Variants in SPEF2 observed in about 807,000 individuals in gnomAD.
The protein encoded by SPEF2 is sperm flagella and cilia-associated protein 2.
SPEF2 carries 187 observed loss-of-function variants against 224.6 expected under a neutral mutation model. The ratio of observed to expected loss-of-function variants is 0.83; its 90% CI spans 0.74 to 0.94. SPEF2 has a LOEUF of 0.94. Ranked by LOEUF, SPEF2 falls within the 40% of genes least tolerant of loss-of-function variation. The pLI is 0.00. For missense variants in SPEF2, 2,170 were observed against 2,135.6 expected, an observed-to-expected ratio of 1.02 and a Z score of -0.32; for synonymous variants, 715 against 707.3, an observed-to-expected ratio of 1.01 and a Z score of -0.17.
At chr5:35,747,404 A>G (rs1331912020) in intron 23 of SPEF2, among the ~76,000 whole-genome samples, 1 of 152,228 alleles carries the variant, frequency 6.6e-6, no homozygotes, top group Non-Finnish European at 1.5e-5. Context: ...TGCAGAATGG[A>G]TAAGAACTCA....
In SPEF2 at chr5:35,800,048, C is replaced by A. The variant is rs767866431; in HGVS notation, c.4911C>A (p.Cys1637Ter). 1.2e-5 allele frequency: 19 copies of A among 1,614,114 alleles called. No homozygotes were observed. The highest frequency in any genetic ancestry group is 1.5e-5 in the Non-Finnish European group (18 of 1,180,030). Residue 1637 changes from cysteine (C) to a stop codon, truncating the protein, a stop_gained, in exon 34 of 37, where the codon TGC becomes TGA. Coordinates refer to ENST00000356031, the MANE Select transcript of SPEF2 (RefSeq NM_024867.4). LOFTEE classifies it high-confidence loss of function. Reference protein sequence around the residue: ...DYTQMLLYFACHPDTVEGVYR... With the variant: ...DYTQMLLYFA ...CACAGATGCTGCTTTACTTTGCTTGCCACCCAGACACCGTGGAAGGAGTCT... is the reference window on the plus strand; with the variant it reads ...CACAGATGCTGCTTTACTTTGCTTGACACCCAGACACCGTGGAAGGAGTCT...
chr5:35,802,914 T>C (rs988280522), intron 34 of SPEF2, among the ~76,000 whole-genome samples: 1 of 152,076 alleles, frequency 6.6e-6, no homozygotes, highest in Non-Finnish European at 1.5e-5. Context: ...GATCTCTCTG[T>C]GTTGAGGAGA....
chr5:35,664,773 A>G (rs115823722), intron 8 of SPEF2, among the ~76,000 whole-genome samples: 12,128 of 143,756 alleles, frequency 0.084, 734 homozygotes, highest in East Asian at 0.31. Context: ...GGAGAGAGAG[A>G]GAGAGAGAAA....
intron 33 of SPEF2, 28 bp from the exon 34 acceptor site, chr5:35,799,940 T>A (rs754248754): frequency 6.2e-7 from 1 of 1,612,446 alleles, no homozygotes; most frequent in South Asian, 1.1e-5. Context: ...TGCACCCATT[T>A]TATCTTTGGA....
chr5:35,649,274 T>C (rs765723152), intron 5 of SPEF2, 87 bp from the exon 6 acceptor site: 1 of 1,133,332 alleles, frequency 8.8e-7, no homozygotes. Flanking sequence ...GTAGTACTTG[T>C]CACTTTATAA....
chr5:35,646,161 T>C (rs1382323110), intron 4 of SPEF2, among the ~76,000 whole-genome samples: 1 of 152,192 alleles, frequency 6.6e-6, no homozygotes, highest in African/African-American at 2.4e-5. Flanking sequence ...TTATTGTTAA[T>C]TCAATTTTGA....
At chr5:35,655,792 T>A (rs932217786) in intron 7 of SPEF2, among the ~76,000 whole-genome samples, 1 of 152,186 alleles carries the variant, frequency 6.6e-6, no homozygotes, top group African/African-American at 2.4e-5. Flanking sequence ...CCTTGTAAGA[T>A]ACACAGAAAG....
chr5:35,751,435 A>G (rs1323199870), intron 23 of SPEF2, among the ~76,000 whole-genome samples: 1 of 151,560 alleles, frequency 6.6e-6, no homozygotes, highest in East Asian at 2.0e-4. Context: ...TTATGTACCC[A>G]AATACCACCC....
At position 35,691,023 on chromosome 5, in the gene SPEF2, C is replaced by T. The variant is rs191968654; in HGVS notation, c.1525-14C>T. ...TTCAGAATATTTCTGTTTATTTGATCGTTATTTTTACAGAACATGGTTGGA... is the reference window on the plus strand; with the variant it reads ...TTCAGAATATTTCTGTTTATTTGATTGTTATTTTTACAGAACATGGTTGGA... On this transcript the variant is annotated splice_polypyrimidine_tract_variant and intron_variant, in intron 10 of 36. Transcript: ENST00000356031. 809 of 1,591,300 alleles carry T rather than the reference C, an allele frequency of 5.1e-4. 2 individuals are homozygous for T. Among genetic ancestry groups the T allele is most frequent in the Non-Finnish European group, 5.9e-4 (685 of 1,164,934 alleles).
intron 16 of SPEF2, 37 bp downstream of exon 16, chr5:35,700,789 T>C: frequency 1.9e-6 from 3 of 1,598,938 alleles, no homozygotes; most frequent in Non-Finnish European, 2.6e-6. Flanking sequence ...CTTTTTACAA[T>C]GAAAACTCTT....
At chr5:35,725,741 T>A (rs1744530760) in intron 20 of SPEF2, among the ~76,000 whole-genome samples, 3 of 152,210 alleles carry the variant, frequency 2.0e-5, no homozygotes, top group Non-Finnish European at 2.9e-5. Flanking sequence ...ATTTATACAT[T>A]GATTTTTAAA....
chr5:35,690,930 G>T, intron 10 of SPEF2, 107 bp from the exon 11 acceptor site: 3 of 757,840 alleles, frequency 4.0e-6, no homozygotes, highest in Non-Finnish European at 6.2e-6. Flanking sequence ...AGTATTCATT[G>T]GCTTTTGTTG....
intron 34 of SPEF2, among the ~76,000 whole-genome samples, chr5:35,804,162 A>T (rs1352235640): frequency 6.6e-6 from 1 of 152,170 alleles, no homozygotes; most frequent in Non-Finnish European, 1.5e-5. Flanking sequence ...GCCCACATTA[A>T]TCCAAGACCA....
chr5:35,795,819 A>G (rs1412256326), intron 33 of SPEF2, 24 bp downstream of exon 33: 2 of 1,557,460 alleles, frequency 1.3e-6, no homozygotes, highest in Admixed American at 1.7e-5. Flanking sequence ...TCTTTAAAAC[A>G]TGTGGCATTA....
At position 35,646,667 on chromosome 5, in the gene SPEF2, C is replaced by A. The variant is rs200667967; in HGVS notation, c.586C>A (p.Gln196Lys). 70 of 1,612,778 alleles carry A rather than the reference C, an allele frequency of 4.3e-5. No individual in the cohort carries two copies. In the East Asian group the frequency reaches 1.5e-3, roughly 34 times the overall value. Reference sequence around the variant, plus strand: ...AAACTAATGTATATGGGATATTCAGCAATACTTAAACAGAAGACGACAAAA... The same window carrying A: ...AAACTAATGTATATGGGATATTCAGAAATACTTAAACAGAAGACGACAAAA... ...EEQRCFDIEK[Q>K]YLNRRRQNEI... The change falls in exon 5 of 37, where the codon CAA (glutamine) becomes AAA (lysine). Residue 196 changes from glutamine (Q) to lysine (K), a missense_variant and splice_region_variant. Transcript: ENST00000356031.
rs1739620131 is a variant in SPEF2, at chr5:35,705,732, T to A, written c.2589T>A (p.Ala863=). The change falls in exon 18 of 37, where the codon GCT becomes GCA. Residue 863 remains alanine, a synonymous_variant. Transcript: ENST00000356031. ...AAAATATTTTGATAAAAATCAATGC[T>A]GAAATAGATAAGGAATCTTTATGTG... ...EPENILIKIN[A]EIDKESLCEK... 3 of 1,579,468 alleles carry A rather than the reference T, an allele frequency of 1.9e-6. No homozygotes were observed. The highest frequency in any genetic ancestry group is 2.6e-6 in the Non-Finnish European group (3 of 1,161,422).
At chr5:35,757,973 C>T (rs1309520834) in intron 24 of SPEF2, among the ~76,000 whole-genome samples, 1 of 152,130 alleles carries the variant, frequency 6.6e-6, no homozygotes, top group Non-Finnish European at 1.5e-5. Flanking sequence ...TTTCCAGGAG[C>T]AATTTGGCTT....
intron 1 of SPEF2, among the ~76,000 whole-genome samples, chr5:35,627,828 G>A (rs1744484744): frequency 6.6e-6 from 1 of 152,170 alleles, no homozygotes; most frequent in Non-Finnish European, 1.5e-5. Flanking sequence ...AAGGGGCAGA[G>A]CCAAGATTCC....
chr5:35,647,177 A>G (rs1020062978), intron 5 of SPEF2, among the ~76,000 whole-genome samples: 1 of 152,196 alleles, frequency 6.6e-6, no homozygotes, highest in Non-Finnish European at 1.5e-5. Context: ...GGTAATTTTT[A>G]AAGAAAAAGA....
Sources: gnomAD v4.1 joint callset for allele counts (sites outside exome capture counted in the v4.1 genomes callset) on GRCh38, gnomAD v4.1.1 for gene constraint, MANE v1.5 for transcripts, NCBI Gene and HGNC (gene_info 2026-07-23, HGNC 2026-07-21) for gene names.